The following EIF4E1B variants were observed in gnomAD, a reference collection of about 807,000 sequenced individuals.
EIF4E1B encodes the protein eukaryotic translation initiation factor 4E family member 1B, also known as eukaryotic translation initiation factor 4E type 1B.
A neutral mutation model predicts 31.3 loss-of-function variants in EIF4E1B; 22 were observed. The ratio of observed to expected loss-of-function variants is 0.70; its 90% confidence interval spans 0.50 to 1.00. The LOEUF is 1.00. Ranked by LOEUF, EIF4E1B falls within the 50% of genes least tolerant of loss-of-function variation. The pLI, the probability that EIF4E1B is intolerant of heterozygous loss-of-function variation, is 0.00. For missense variants in EIF4E1B, 290 were observed against 311.6 expected (o/e 0.93, Z 0.52); for synonymous variants, 126 against 120.2 (o/e 1.05, Z -0.31).
At position 176,644,271 on chromosome 5, in the gene EIF4E1B, C is replaced by CT. The variant is rs1760651889; in HGVS notation, c.297-103dup. The CT allele has an allele frequency of 2.5e-6, 3 of 1,219,058 alleles. No homozygotes were observed. In the Admixed American group the frequency reaches 7.2e-5, roughly 29 times the overall value. The allele number at this position is 1,219,058 out of a possible 1,614,324, so 75.5% of individuals were successfully genotyped here. ...GGTGGCAGGCCAGTGTAAGCAAAGG[C>CT]TTGGAGGCCATGGGGTCGGATGAGG... On this transcript the variant is annotated intron_variant, in intron 5 of 8. Coordinates refer to ENST00000318682, the MANE Select transcript of EIF4E1B (RefSeq NM_001099408.2).
chr5:176,642,852 C>CCCCT, intron 3 of EIF4E1B, 50 bp downstream of exon 3: 1 of 949,376 alleles, frequency 1.1e-6, no homozygotes, highest in Non-Finnish European at 1.3e-6. Context: ...CCCGCCCTCT[C>CCCCT]CCCCCCCCCC....
rs1268141705 is a variant in EIF4E1B at position 176,645,187 on chromosome 5, G to C, written c.418G>C (p.Val140Leu). The change falls in exon 7 of 9, where the codon GTC becomes CTC. Residue 140 changes from valine (V) to leucine (L), a missense_variant. Physicochemically the swap from Val to Leu is conservative, Grantham distance 32. Transcript: ENST00000318682. This position sits in a 1 kb window ranked among gnomAD's most constrained non-coding sequence, Gnocchi z 5.4. ...GAATAAACGGGGTGGCCGCTGGCTG[G>C]TCAGCCTGGCCAAGCAGCAGCGCCA... ...SRNKRGGRWL[V>L]SLAKQQRHIE... The C allele has an allele frequency of 6.3e-7, 1 of 1,584,124 alleles. No individual in the cohort carries two copies. Among genetic ancestry groups the C allele is most frequent in the East Asian group, 2.3e-5 (1 of 43,150 alleles).
Position 176,645,436 on chromosome 5 carries a change from C to G in EIF4E1B, c.534C>G (p.Val178=). 6.6e-7 allele frequency: 1 copy of G among 1,514,486 alleles called. No homozygotes were observed. Among genetic ancestry groups the G allele is most frequent in the Admixed American group, 2.3e-5 (1 of 44,274 alleles). 93.8% of individuals were successfully genotyped at this position (1,514,486 alleles called of 1,614,324 possible). Residue 178 remains valine, a synonymous_variant, in exon 8 of 9, where the codon GTC becomes GTG. Coordinates refer to ENST00000318682, the MANE Select transcript of EIF4E1B (RefSeq NM_001099408.2). This position sits in a 1 kb window ranked among gnomAD's most constrained non-coding sequence, Gnocchi z 5.4. The part of the protein sequence containing the change: ...EEHSREVCGA[V]VNIRTKGDKI... Reference sequence around the variant, plus strand: ...ACAGCAGAGAGGTATGTGGGGCCGTCGTCAACATCCGCACCAAGGGGGACA... The same window carrying G: ...ACAGCAGAGAGGTATGTGGGGCCGTGGTCAACATCCGCACCAAGGGGGACA...
chr5:176,642,849 T>TCG (rs745905318), intron 3 of EIF4E1B, 47 bp downstream of exon 3: 1 of 1,181,914 alleles, frequency 8.5e-7, no homozygotes, highest in African/African-American at 3.5e-5. Context: ...GGCCCCGCCC[T>TCG]CTCCCCCCCC....
Position 176,645,410 on chromosome 5 carries a change from C to T in EIF4E1B, c.508C>T (p.His170Tyr), listed in dbSNP as rs759107650. The change falls in exon 8 of 9, where the codon CAC becomes TAC. Residue 170 changes from histidine to tyrosine, a missense_variant. His to Tyr is a moderately conservative substitution (Grantham distance 83). Coordinates refer to ENST00000318682, the MANE Select transcript of EIF4E1B (RefSeq NM_001099408.2). The surrounding 1 kb of genome is among the most constrained non-coding windows in gnomAD (Gnocchi z 5.4). ...TCTGATCGGGGAGAGCTTTGAGGAA[C>T]ACAGCAGAGAGGTATGTGGGGCCGT... ...LCLIGESFEE[H>Y]SREVCGAVVN... 6.6e-7 allele frequency: 1 copy of T among 1,525,596 alleles called. No homozygotes were observed. Among genetic ancestry groups the T allele is most frequent in the Non-Finnish European group, 8.8e-7 (1 of 1,134,678 alleles). The allele number at this position is 1,525,596 out of a possible 1,614,324, so 94.5% of individuals were successfully genotyped here.
intron 4 of EIF4E1B, 50 bp from the exon 5 acceptor site, chr5:176,643,589 T>G: frequency 6.5e-7 from 1 of 1,541,756 alleles, no homozygotes. Flanking sequence ...GCCCCGGGGG[T>G]GGACTTGGCT....
In EIF4E1B at chr5:176,645,228, G is replaced by A. The variant is rs1468731432; in HGVS notation, c.459G>A (p.Arg153=). The change falls in exon 7 of 9, where the codon CGG becomes CGA. Residue 153 remains arginine, a synonymous_variant. Coordinates refer to ENST00000318682, the MANE Select transcript of EIF4E1B (RefSeq NM_001099408.2). This position sits in a 1 kb window ranked among gnomAD's most constrained non-coding sequence, Gnocchi z 5.4. ...AKQQRHIELD[R]LWLETLLCLI... ...AGCAGCGCCACATTGAGCTGGACCG[G>A]CTGTGGCTGGAGACGGTGAGTTGGA... 1 of 1,594,596 alleles carries A rather than the reference G, an allele frequency of 6.3e-7. No individual in the cohort carries two copies. Among genetic ancestry groups the A allele is most frequent in the Non-Finnish European group, 8.5e-7 (1 of 1,171,104 alleles).
At chr5:176,635,217 A>T (rs1169273784) in intron 1 of EIF4E1B, among the ~76,000 whole-genome samples, 1 of 152,028 alleles carries the variant, frequency 6.6e-6, no homozygotes, top group Non-Finnish European at 1.5e-5. Flanking sequence ...AAAGAAGGAC[A>T]AGCTGAAGAG....
intron 1 of EIF4E1B, among the ~76,000 whole-genome samples, chr5:176,636,013 C>T (rs1334275086): frequency 6.6e-6 from 1 of 152,146 alleles, no homozygotes; most frequent in Admixed American, 6.6e-5. Flanking sequence ...GACGGGGTTT[C>T]ACCTTGTTGG....
chr5:176,637,686 A>G (rs1363247233), intron 1 of EIF4E1B, among the ~76,000 whole-genome samples: 1 of 152,126 alleles, frequency 6.6e-6, no homozygotes, highest in Non-Finnish European at 1.5e-5. Context: ...TGGCTGGCAC[A>G]TCTGAAGATC....
At position 176,645,497 on chromosome 5, in the gene EIF4E1B, G is replaced by T. The variant is rs368686706; in HGVS notation, c.595G>T (p.Ala199Ser). Residue 199 changes from alanine (A) to serine (S), a missense_variant, in exon 8 of 9, where the codon GCG (alanine) becomes TCG (serine). Physicochemically the swap from Ala to Ser is moderately conservative, Grantham distance 99. Transcript: ENST00000318682. The surrounding 1 kb of genome is among the most constrained non-coding windows in gnomAD (Gnocchi z 5.4). The stretch of plus-strand genomic sequence containing the variant: ...GTGGACGAGGGAGGCGGAAAACCAG[G>T]CGGGCGTGCTGCACGTTGGGTGAGG... ...AVWTREAENQ[A>S]GVLHVGRVYK... 4.0e-6 allele frequency: 6 copies of T among 1,518,754 alleles called. No individual in the cohort carries two copies. In the African/African-American group the frequency reaches 8.4e-5, roughly 21 times the overall value. The allele number at this position is 1,518,754 out of a possible 1,614,324, so 94.1% of individuals were successfully genotyped here. A position where few individuals can be genotyped will look rare whatever the true frequency, so the allele number is the denominator to read the frequency against.
At chr5:176,639,643 A>C (rs984496980) in intron 1 of EIF4E1B, among the ~76,000 whole-genome samples, 2 of 152,110 alleles carry the variant, frequency 1.3e-5, no homozygotes, top group Non-Finnish European at 1.5e-5. Flanking sequence ...CCTGGCCGGC[A>C]CAGTGGCTCA....
At chr5:176,641,381 G>A (rs1760574876) in intron 1 of EIF4E1B, among the ~76,000 whole-genome samples, 1 of 152,160 alleles carries the variant, frequency 6.6e-6, no homozygotes, top group Non-Finnish European at 1.5e-5. Context: ...CCCAAGCCCA[G>A]AACTAAGGCG....
chr5:176,642,848 C>CAA, intron 3 of EIF4E1B, 46 bp downstream of exon 3: 8 of 1,345,532 alleles, frequency 5.9e-6, no homozygotes, highest in Non-Finnish European at 7.8e-6. Flanking sequence ...TGGCCCCGCC[C>CAA]TCTCCCCCCC....
At chr5:176,640,924 T>G (rs1249776644) in intron 1 of EIF4E1B, among the ~76,000 whole-genome samples, 1 of 152,246 alleles carries the variant, frequency 6.6e-6, no homozygotes, top group Non-Finnish European at 1.5e-5. Flanking sequence ...TTCTTGTTTA[T>G]GCTTTAGGTC....
At chr5:176,644,065 G>A (rs529544634) in intron 5 of EIF4E1B, 7 of 556,036 alleles carry the variant, frequency 1.3e-5, no homozygotes, top group South Asian at 2.4e-5. Context: ...GGGTGCTCAC[G>A]GGAGTGGCTC....
At position 176,645,079 on chromosome 5, in the gene EIF4E1B, C is replaced by T; in HGVS notation, c.361-51C>T. 1 of 1,496,846 alleles carries T rather than the reference C, an allele frequency of 6.7e-7. No homozygotes were observed. The allele number at this position is 1,496,846 out of a possible 1,614,324, so 92.7% of individuals were successfully genotyped here. A position where few individuals can be genotyped will look rare whatever the true frequency, so the allele number is the denominator to read the frequency against. On this transcript the variant is annotated intron_variant, in intron 6 of 8. Transcript: ENST00000318682. This position sits in a 1 kb window ranked among gnomAD's most constrained non-coding sequence, Gnocchi z 5.4. Reference sequence around the variant, plus strand: ...TAAGGCCGGGATGGTGGGTGGGTCCCCATTTCCCTTTGAACACAGGGAGGC... The same window carrying T: ...TAAGGCCGGGATGGTGGGTGGGTCCTCATTTCCCTTTGAACACAGGGAGGC...
At chr5:176,644,741 A>G in intron 6 of EIF4E1B, 1 of 501,020 alleles carries the variant, frequency 2.0e-6, no homozygotes, top group Non-Finnish European at 3.5e-6. Context: ...TGCCACACCC[A>G]TCCCTGGAGG....
Position 176,646,035 on chromosome 5 carries a change from A to T in EIF4E1B, c.*55A>T, listed in dbSNP as rs1760701637. On this transcript the variant is annotated 3_prime_UTR_variant, in exon 9 of 9. Transcript: ENST00000318682. ...GGGACAGCCGCCACTGAGCCTCATT[A>T]CTTTGGGGGATGGGGCGGGACTGGG... 6.8e-7 allele frequency: 1 copy of T among 1,468,580 alleles called. No individual in the cohort carries two copies. The highest frequency in any genetic ancestry group is 2.0e-5 in the Admixed American group (1 of 49,512). 91.0% of individuals were successfully genotyped at this position (1,468,580 alleles called of 1,614,324 possible). A position where few individuals can be genotyped will look rare whatever the true frequency, so the allele number is the denominator to read the frequency against.
Sources: allele counts gnomAD v4.1 joint callset (sites outside exome capture counted in the v4.1 genomes callset), GRCh38; gene constraint gnomAD v4.1.1; non-coding constraint Gnocchi (gnomAD v3.1); transcripts MANE v1.5; gene names NCBI Gene and HGNC (gene_info 2026-07-23, HGNC 2026-07-21).